Variants in BORA observed in about 807,000 individuals in gnomAD.
BORA encodes BORA aurora kinase A activator.
BORA carries 26 observed loss-of-function variants against 55.8 expected under a neutral mutation model. The ratio of observed to expected loss-of-function variants is 0.47; its 90% CI spans 0.34 to 0.65. The LOEUF (loss-of-function observed/expected upper bound fraction) is 0.65. Ranked by LOEUF, BORA falls within the 30% of genes least tolerant of loss-of-function variation. The pLI is 0.01. For missense variants in BORA, 568 were observed against 671.5 expected (o/e 0.85, Z 1.70); for synonymous variants, 201 against 216.9 (o/e 0.93, Z 0.64).
chr13:72,735,089 A>T (rs188204614), intron 4 of BORA, 84 bp downstream of exon 4: 2 of 1,088,668 alleles, frequency 1.8e-6, no homozygotes, highest in East Asian at 4.8e-5. Flanking sequence ...ACTTTCTTCA[A>T]TTCCTTCACT....
At position 72,728,151 on chromosome 13, in the gene BORA, A is replaced by G. The variant is rs544382572; in HGVS notation, c.-16+144A>G. The stretch of plus-strand genomic sequence containing the variant: ...GGTGTGGAAGAGAGGGGCACCAGAA[A>G]GAGTGGCCACGTAGGGTTGGGGGCG... On this transcript the variant is annotated intron_variant, in intron 1 of 11. Transcript: ENST00000390667. The G allele has an allele frequency of 1.9e-5, 22 of 1,166,232 alleles. No individual in the cohort carries two copies. The African/African-American group carries it at 2.7e-4, about 14-fold the overall frequency. 72.2% of individuals were successfully genotyped at this position (1,166,232 alleles called of 1,614,324 possible).
intron 4 of BORA, 52 bp from the exon 5 acceptor site, chr13:72,737,910 C>G: frequency 8.1e-7 from 1 of 1,227,264 alleles, no homozygotes; most frequent in Non-Finnish European, 1.2e-6. Context: ...CAGGTACCGT[C>G]TCACATTTTG....
chr13:72,745,940 A>G lies in BORA; in HGVS notation c.739-4A>G, dbSNP rs757113096. 1.2e-6 allele frequency: 2 copies of G among 1,601,686 alleles called. No individual in the cohort carries two copies. Among genetic ancestry groups the G allele is most frequent in the East Asian group, 2.2e-5 (1 of 44,732 alleles). ...CATTTATTTACTATTTAATTTTATT[A>G]CAGGGGCAGTTTTCTTCTAGCCCTA... On this transcript the variant is annotated splice_polypyrimidine_tract_variant and splice_region_variant and intron_variant, in intron 8 of 11. Coordinates refer to ENST00000390667, the MANE Select transcript of BORA (RefSeq NM_024808.5).
intron 2 of BORA, 92 bp from the exon 3 acceptor site, chr13:72,731,189 T>C: frequency 1.3e-6 from 1 of 744,980 alleles, no homozygotes. Context: ...ATTTTCATAT[T>C]ATAACCATTC....
intron 10 of BORA, among the ~76,000 whole-genome samples, chr13:72,748,121 G>C (rs1043599134): frequency 5.9e-5 from 9 of 152,126 alleles, no homozygotes; most frequent in Non-Finnish European, 1.2e-4. Flanking sequence ...GCATTACTAT[G>C]TGCCAAGTCC....
chr13:72,754,982 G>C (rs1482876206), intron 11 of BORA, 169 bp from the exon 12 acceptor site: 2 of 572,378 alleles, frequency 3.5e-6, no homozygotes, highest in African/African-American at 3.8e-5. Flanking sequence ...TCAAAGTGTT[G>C]GGATGCTTTT....
At position 72,746,759 on chromosome 13, in the gene BORA, C is replaced by T. The variant is rs759273734; in HGVS notation, c.1130C>T (p.Ala377Val). 9.3e-6 allele frequency: 15 copies of T among 1,614,124 alleles called. No homozygotes were observed. Among genetic ancestry groups the T allele is most frequent in the Non-Finnish European group, 1.3e-5 (15 of 1,180,006 alleles). ...CCTTCCACAGATGTCTCATCACCCG[C>T]CATGGATGCTGCTGGAATACACCTA... ...NIPSTDVSSP[A>V]MDAAGIHLRQ... is the part of the protein sequence containing the mutation. The change falls in exon 10 of 12, where the codon GCC becomes GTC. Residue 377 changes from alanine to valine, a missense_variant. Ala to Val is a moderately conservative substitution (Grantham distance 64). Transcript: ENST00000390667.
chr13:72,737,209 T>TA (rs1245224041), intron 4 of BORA, among the ~76,000 whole-genome samples: 1 of 152,172 alleles, frequency 6.6e-6, no homozygotes, highest in Non-Finnish European at 1.5e-5. Context: ...GGTGAATGTT[T>TA]AACAACTTGC....
intron 4 of BORA, among the ~76,000 whole-genome samples, chr13:72,736,062 A>G (rs1286544776): frequency 1.3e-5 from 2 of 151,934 alleles, no homozygotes; most frequent in Admixed American, 1.3e-4. Flanking sequence ...ACAAAAGACT[A>G]TGTTTACTCC....
At position 72,756,114 on chromosome 13, in the gene BORA, CT is replaced by C. The variant is rs1350579119; in HGVS notation, c.*901del. 1 of 395,676 alleles carries C rather than the reference CT, an allele frequency of 2.5e-6. No individual in the cohort carries two copies. The highest frequency in any genetic ancestry group is 2.1e-5 in the African/African-American group (1 of 48,372). 24.5% of individuals were successfully genotyped at this position (395,676 alleles called of 1,614,324 possible). ...GTATATAACAGTTTGGAAATACTAT[CT>C]TTGGAGAATGTATTTTTGTATTTAT... is the stretch of plus-strand genomic sequence containing the variant. On this transcript the variant is annotated 3_prime_UTR_variant, in exon 12 of 12. Coordinates refer to ENST00000390667, the MANE Select transcript of BORA (RefSeq NM_024808.5).
chr13:72,728,860 A>C (rs1005786472), intron 1 of BORA, 66 bp from the exon 2 acceptor site: 1 of 1,366,578 alleles, frequency 7.3e-7, no homozygotes, highest in Admixed American at 2.7e-5. Context: ...AGTACATTTT[A>C]ATAGTTAAAA....
At chr13:72,750,082 C>T (rs541356131) in intron 10 of BORA, among the ~76,000 whole-genome samples, 64 of 152,062 alleles carry the variant, frequency 4.2e-4, no homozygotes, top group South Asian at 1.5e-3. Flanking sequence ...CTGAGAGTAA[C>T]GGGGAGCCAG....
intron 5 of BORA, 39 bp downstream of exon 5, chr13:72,738,082 A>T (rs2032966693): frequency 1.3e-5 from 19 of 1,467,666 alleles, no homozygotes; most frequent in Non-Finnish European, 1.8e-5. Flanking sequence ...AAATCAAAAA[A>T]GTCGGTGAAT....
intron 5 of BORA, among the ~76,000 whole-genome samples, chr13:72,742,765 TATACACAC>T (rs1279846176): frequency 3.4e-3 from 182 of 54,026 alleles, no homozygotes; most frequent in Middle Eastern, 0.012. Context: ...TATATATATA[TATACACAC>T]ACACACACAC....
Position 72,755,531 on chromosome 13 carries a change from C to A in BORA, c.*315C>A. The A allele has an allele frequency of 2.8e-6, 1 of 358,196 alleles. No individual in the cohort carries two copies. Among genetic ancestry groups the A allele is most frequent in the Non-Finnish European group, 5.0e-6 (1 of 201,574 alleles). 22.2% of individuals were successfully genotyped at this position (358,196 alleles called of 1,614,324 possible). A position where few individuals can be genotyped will look rare whatever the true frequency, so the allele number is the denominator to read the frequency against. On this transcript the variant is annotated 3_prime_UTR_variant, in exon 12 of 12. Transcript: ENST00000390667. ...AGGGTCAATGAACTACTTATTAAGC[C>A]TTACTGGTAGCACTGAATTTAGCAG...
At chr13:72,751,915 G>T (rs2033286407) in intron 10 of BORA, among the ~76,000 whole-genome samples, 1 of 152,240 alleles carries the variant, frequency 6.6e-6, no homozygotes, top group Non-Finnish European at 1.5e-5. Context: ...GGAAGGCAAG[G>T]TCCTTTGAAT....
At chr13:72,739,036 A>G (rs115011302) in intron 5 of BORA, among the ~76,000 whole-genome samples, 317 of 152,310 alleles carry the variant, frequency 2.1e-3, no homozygotes, top group African/African-American at 6.9e-3. Flanking sequence ...AAAACCTCCT[A>G]CTTTTATAAA....
intron 5 of BORA, among the ~76,000 whole-genome samples, chr13:72,738,261 T>G (rs7995012): frequency 0.88 from 133,705 of 152,018 alleles, 60,884 homozygotes; most frequent in Non-Finnish European, 0.99. Context: ...TTTTTCTTCA[T>G]GACTATTGTG....
rs528083602 is a variant in BORA, at chr13:72,753,709, C to T, written c.1502C>T (p.Thr501Met). 4.3e-6 allele frequency: 7 copies of T among 1,612,202 alleles called. No individual in the cohort carries two copies. The highest frequency in any genetic ancestry group is 5.1e-6 in the Non-Finnish European group (6 of 1,179,234). Residue 501 changes from threonine to methionine, a missense_variant, in exon 11 of 12, where the codon ACG becomes ATG. Physicochemically the swap from Thr to Met is moderately conservative, Grantham distance 81. Coordinates refer to ENST00000390667, the MANE Select transcript of BORA (RefSeq NM_024808.5). ...TGTCAGATGGATAGTGGCTATAATA[C>T]GCAGAATTGTGGAAGCAATATTATG... is the stretch of plus-strand genomic sequence containing the variant. ...SNIQMDSGYN[T>M]QNCGSNIMDT...
Sources: gnomAD v4.1 joint callset for allele counts (sites outside exome capture counted in the v4.1 genomes callset) on GRCh38, gnomAD v4.1.1 for gene constraint, MANE v1.5 for transcripts, NCBI Gene and HGNC (gene_info 2026-07-23, HGNC 2026-07-21) for gene names.